The following EYA4 variants were observed in gnomAD, a reference collection of about 807,000 sequenced individuals.
The protein encoded by EYA4 is protein phosphatase EYA4.
In EYA4, 31 loss-of-function variants were observed where a neutral mutation model predicts 87.9. The observed-to-expected ratio is 0.35, with a 90% CI of 0.27 to 0.48. The LOEUF (loss-of-function observed/expected upper bound fraction) is 0.48. Ranked by LOEUF, EYA4 falls within the 20% of genes least tolerant of loss-of-function variation. The pLI, the probability that EYA4 is intolerant of heterozygous loss-of-function variation, is 0.99. For synonymous variants in EYA4, 263 were observed against 270.6 expected, an observed-to-expected ratio of 0.97 and a Z score of 0.28; for missense variants, 678 against 761.4, an observed-to-expected ratio of 0.89 and a Z score of 1.29.
intron 13 of EYA4, among the ~76,000 whole-genome samples, chr6:133,491,709 T>G (rs1382559890): frequency 2.0e-5 from 3 of 152,034 alleles, no homozygotes; most frequent in Non-Finnish European, 4.4e-5. Flanking sequence ...CCCAGCACTT[T>G]GGGAGGCCGA....
At chr6:133,366,363 AG>A (rs1784851355) in intron 2 of EYA4, among the ~76,000 whole-genome samples, 1 of 152,204 alleles carries the variant, frequency 6.6e-6, no homozygotes, top group African/African-American at 2.4e-5. Context: ...GTTAGGCAGG[AG>A]AGTGAGAGAG....
intron 1 of EYA4, among the ~76,000 whole-genome samples, chr6:133,268,331 G>A (rs1156350832): frequency 6.6e-6 from 1 of 152,112 alleles, no homozygotes; most frequent in Admixed American, 6.5e-5. Flanking sequence ...GTTTTGCTTT[G>A]TTTTGTTTAT....
At chr6:133,494,764 A>G (rs1186648949) in intron 13 of EYA4, among the ~76,000 whole-genome samples, 3 of 151,356 alleles carry the variant, frequency 2.0e-5, no homozygotes, top group Non-Finnish European at 4.4e-5. Flanking sequence ...ATGTTGGAGG[A>G]TCATTTGAGC....
intron 3 of EYA4, among the ~76,000 whole-genome samples, chr6:133,395,205 A>G (rs1175397227): frequency 6.6e-6 from 1 of 150,790 alleles, no homozygotes; most frequent in Non-Finnish European, 1.5e-5. Flanking sequence ...TAACATGAGC[A>G]ACTCAAGCAT....
Position 133,321,123 on chromosome 6 carries a change from C to T in EYA4, c.33+46310C>T, listed in dbSNP as rs145659352. 3.9e-3 allele frequency among the ~76,000 whole-genome samples: 588 copies of T among 152,298 alleles called. 1 individual carries two copies. Among genetic ancestry groups the T allele is most frequent in the African/African-American group, 0.012 (494 of 41,564 alleles). On this transcript the variant is annotated intron_variant, in intron 2 of 19. Coordinates refer to ENST00000355286, the MANE Select transcript of EYA4 (RefSeq NM_004100.5). ...ACACGTTGTTGCTAATAAGAATCTG[C>T]TGTCAGTCTGTCGGTTGGTCCTTTG...
intron 3 of EYA4, among the ~76,000 whole-genome samples, chr6:133,404,127 T>C (rs747762995): frequency 6.6e-6 from 1 of 152,176 alleles, no homozygotes; most frequent in South Asian, 2.1e-4. Context: ...TGTCATGTAT[T>C]TTTAACAGGA....
intron 3 of EYA4, among the ~76,000 whole-genome samples, chr6:133,444,299 T>C (rs2128617665): frequency 6.6e-6 from 1 of 152,192 alleles, no homozygotes; most frequent in South Asian, 2.1e-4. Flanking sequence ...TTGCTGATAG[T>C]CTTCATCTTG....
intron 17 of EYA4, among the ~76,000 whole-genome samples, chr6:133,519,445 G>A (rs1799910492): frequency 6.6e-6 from 1 of 150,606 alleles, no homozygotes; most frequent in Non-Finnish European, 1.5e-5. Flanking sequence ...ACTAAACCAG[G>A]AAGAAGTTGA....
chr6:133,392,673 C>T (rs1372984543), intron 3 of EYA4, among the ~76,000 whole-genome samples: 1 of 152,214 alleles, frequency 6.6e-6, no homozygotes, highest in East Asian at 1.9e-4. Flanking sequence ...GATTTAAGAA[C>T]AAATACATGC....
intron 3 of EYA4, among the ~76,000 whole-genome samples, chr6:133,406,806 G>T (rs915260504): frequency 6.6e-6 from 1 of 152,118 alleles, no homozygotes; most frequent in Non-Finnish European, 1.5e-5. Context: ...AAATGAAAAT[G>T]AAATGTATGA....
intron 5 of EYA4, among the ~76,000 whole-genome samples, chr6:133,454,868 G>T (rs909420254): frequency 4.6e-5 from 7 of 151,944 alleles, no homozygotes; most frequent in African/African-American, 1.7e-4. Flanking sequence ...ACACTGTCAT[G>T]AGCATAAGCT....
intron 2 of EYA4, among the ~76,000 whole-genome samples, chr6:133,351,554 T>C (rs959088172): frequency 3.3e-5 from 5 of 152,160 alleles, no homozygotes; most frequent in African/African-American, 1.2e-4. Flanking sequence ...CCCTCCCGCA[T>C]CACAGTCCAG....
At chr6:133,371,895 A>G (rs1247535712) in intron 2 of EYA4, among the ~76,000 whole-genome samples, 1 of 152,182 alleles carries the variant, frequency 6.6e-6, no homozygotes, top group Non-Finnish European at 1.5e-5. Context: ...TCAAAGAGGA[A>G]GAAATTGTGA....
chr6:133,392,652 T>C (rs1787402720), intron 3 of EYA4, among the ~76,000 whole-genome samples: 1 of 152,208 alleles, frequency 6.6e-6, no homozygotes, highest in African/African-American at 2.4e-5. Flanking sequence ...CAGTGGATAC[T>C]TATTTCTTTT....
intron 2 of EYA4, among the ~76,000 whole-genome samples, chr6:133,316,206 T>C (rs1321710883): frequency 6.6e-6 from 1 of 152,156 alleles, no homozygotes; most frequent in Non-Finnish European, 1.5e-5. Context: ...AGCAAATAGT[T>C]GATATTAGTG....
intron 2 of EYA4, among the ~76,000 whole-genome samples, chr6:133,371,114 C>G (rs746592882): frequency 6.6e-6 from 1 of 152,108 alleles, no homozygotes; most frequent in South Asian, 2.1e-4. Context: ...AAAATAATAA[C>G]AGCATTTGTT....
intron 14 of EYA4, chr6:133,511,550 AT>A (rs1455619175): frequency 6.6e-6 from 1 of 151,990 alleles, no homozygotes; most frequent in East Asian, 1.9e-4. Flanking sequence ...TCACCTTTAG[AT>A]CTTGTAATAT....
At chr6:133,363,812 G>T (rs907463465) in intron 2 of EYA4, among the ~76,000 whole-genome samples, 6 of 152,118 alleles carry the variant, frequency 3.9e-5, no homozygotes, top group South Asian at 4.1e-4. Context: ...TCCCGCTTTC[G>T]GGTCCAGTCA....
At chr6:133,415,186 C>T (rs1035149906) in intron 3 of EYA4, among the ~76,000 whole-genome samples, 2 of 152,156 alleles carry the variant, frequency 1.3e-5, no homozygotes, top group African/African-American at 4.8e-5. Context: ...AATTCCAGAG[C>T]CTTATTGTAT....
Sources: gnomAD v4.1 joint callset for allele counts (sites outside exome capture counted in the v4.1 genomes callset) on GRCh38, gnomAD v4.1.1 for gene constraint, MANE v1.5 for transcripts, NCBI Gene and HGNC (gene_info 2026-07-23, HGNC 2026-07-21) for gene names.